Variants in CNTNAP4 observed in about 807,000 individuals in gnomAD.
CNTNAP4 encodes contactin associated protein family member 4, also known as contactin-associated protein-like 4.
A neutral mutation model predicts 148.4 loss-of-function variants in CNTNAP4; 98 were observed. The observed-to-expected ratio is 0.66, with a 90% confidence interval of 0.56 to 0.78. The LOEUF is 0.78. CNTNAP4 is among the 30% of genes least tolerant of loss of function. The pLI is 0.00. For missense variants in CNTNAP4, 1,935 were observed against 1,565.6 expected (o/e 1.24, Z -3.98); for synonymous variants, 730 against 565.1 (o/e 1.29, Z -4.14).
intron 21 of CNTNAP4, among the ~76,000 whole-genome samples, chr16:76,550,520 G>T (rs563302766): frequency 4.6e-5 from 7 of 152,176 alleles, no homozygotes; most frequent in Non-Finnish European, 7.4e-5. Flanking sequence ...CTGGTGGGGT[G>T]GGGCTGAAAA....
At chr16:76,381,822 A>T (rs905427884) in intron 3 of CNTNAP4, among the ~76,000 whole-genome samples, 1 of 152,126 alleles carries the variant, frequency 6.6e-6, no homozygotes, top group Non-Finnish European at 1.5e-5. Flanking sequence ...GGACTTTGGG[A>T]GGCCAAGGTG....
At position 76,479,403 on chromosome 16, in the gene CNTNAP4, A is replaced by AT. The variant is rs768640129; in HGVS notation, c.1763-8dup. 43 of 1,563,276 alleles carry AT rather than the reference A, an allele frequency of 2.8e-5. No individual in the cohort carries two copies. The highest frequency in any genetic ancestry group is 1.3e-4 in the Admixed American group (7 of 51,862). On this transcript the variant is annotated splice_polypyrimidine_tract_variant and intron_variant, in intron 11 of 23. Coordinates refer to ENST00000611870, the MANE Select transcript of CNTNAP4 (RefSeq NM_033401.5). ...ATTTCATGCTATTCCATTAATGATG[A>AT]TTTTTTTTCTTAAAGCTATCTATGA...
chr16:76,321,829 A>G (rs1290412317), intron 2 of CNTNAP4, among the ~76,000 whole-genome samples: 1 of 151,614 alleles, frequency 6.6e-6, no homozygotes, highest in African/African-American at 2.4e-5. Context: ...TTAAATTTTT[A>G]AAATGATAGT....
At chr16:76,544,906 G>C (rs1026508901) in intron 21 of CNTNAP4, among the ~76,000 whole-genome samples, 1 of 152,144 alleles carries the variant, frequency 6.6e-6, no homozygotes, top group Non-Finnish European at 1.5e-5. Flanking sequence ...GCAAGGAAAA[G>C]GAAGTCTACT....
chr16:76,429,665 T>C (rs933201846), intron 4 of CNTNAP4, among the ~76,000 whole-genome samples: 2 of 152,188 alleles, frequency 1.3e-5, no homozygotes, highest in African/African-American at 2.4e-5. Flanking sequence ...ATGGTGGTGA[T>C]AGCTAAGGTA....
At chr16:76,329,191 C>G (rs1174391966) in intron 2 of CNTNAP4, among the ~76,000 whole-genome samples, 2 of 152,058 alleles carry the variant, frequency 1.3e-5, no homozygotes, top group African/African-American at 2.4e-5. Flanking sequence ...AAATGCAATG[C>G]AAAAATTAAT....
chr16:76,328,663 GA>G (rs1367788465), intron 2 of CNTNAP4, among the ~76,000 whole-genome samples: 2 of 148,036 alleles, frequency 1.4e-5, no homozygotes, highest in East Asian at 4.0e-4. Flanking sequence ...TTTTTTTTTT[GA>G]GATGGAGGTT....
At chr16:76,424,229 C>T (rs1442589770) in intron 3 of CNTNAP4, among the ~76,000 whole-genome samples, 1 of 152,120 alleles carries the variant, frequency 6.6e-6, no homozygotes, top group Non-Finnish European at 1.5e-5. Context: ...ATCTTTTCTC[C>T]CAGTCCCTTA....
chr16:76,289,682 C>A (rs961212302), intron 1 of CNTNAP4, among the ~76,000 whole-genome samples: 1 of 152,064 alleles, frequency 6.6e-6, no homozygotes, highest in African/African-American at 2.4e-5. Context: ...AAGCAATTCT[C>A]CTTGCCTTAG....
intron 3 of CNTNAP4, among the ~76,000 whole-genome samples, chr16:76,394,977 T>G (rs538441924): frequency 6.6e-6 from 1 of 152,280 alleles, no homozygotes; most frequent in Admixed American, 6.5e-5. Context: ...TTTCTCCTGA[T>G]GGAGAATTAA....
intron 14 of CNTNAP4, among the ~76,000 whole-genome samples, chr16:76,498,355 G>A (rs1478694955): frequency 1.3e-5 from 2 of 150,924 alleles, no homozygotes; most frequent in Admixed American, 6.8e-5. Context: ...CTGTGCTACT[G>A]CACTCCAGCC....
intron 3 of CNTNAP4, among the ~76,000 whole-genome samples, chr16:76,398,594 T>G (rs1407300798): frequency 8.6e-5 from 13 of 152,018 alleles, no homozygotes. Flanking sequence ...CACTAGGTAG[T>G]AGGGTATACA....
intron 3 of CNTNAP4, among the ~76,000 whole-genome samples, chr16:76,421,618 G>C (rs2079193430): frequency 6.6e-6 from 1 of 152,070 alleles, no homozygotes; most frequent in African/African-American, 2.4e-5. Context: ...ATTTATACCT[G>C]ACATCATAAA....
intron 14 of CNTNAP4, among the ~76,000 whole-genome samples, chr16:76,497,404 A>G (rs1234852756): frequency 6.6e-6 from 1 of 152,198 alleles, no homozygotes; most frequent in Non-Finnish European, 1.5e-5. Context: ...TACAATAAAT[A>G]TAGCTAAAAT....
chr16:76,340,480 G>A (rs2144342422), intron 2 of CNTNAP4, among the ~76,000 whole-genome samples: 1 of 152,190 alleles, frequency 6.6e-6, no homozygotes, highest in South Asian at 2.1e-4. Context: ...CACCCAGAAT[G>A]TTTTCAAACG....
chr16:76,391,228 C>T (rs931339508), intron 3 of CNTNAP4, among the ~76,000 whole-genome samples: 1 of 152,146 alleles, frequency 6.6e-6, no homozygotes, highest in Admixed American at 6.5e-5. Context: ...AAAGATTTCT[C>T]CCGCTCCTTT....
In CNTNAP4 at chr16:76,553,342, C is replaced by T. The variant is rs374741627; in HGVS notation, c.3502C>T (p.Leu1168Phe). ...LAGAQGFTGC[L>F]SAVQLSHVAP... is the part of the protein sequence containing the mutation. ...AGGTGCGCAGGGCTTCACAGGCTGC[C>T]TCTCTGCAGTGCAGCTCAGCCACGT... Residue 1168 changes from leucine (L) to phenylalanine (F), a missense_variant, in exon 22 of 24, where the codon CTC becomes TTC. Leu to Phe is a conservative substitution (Grantham distance 22, BLOSUM62 0). Coordinates refer to ENST00000611870, the MANE Select transcript of CNTNAP4 (RefSeq NM_033401.5). 1.9e-5 allele frequency: 30 copies of T among 1,613,124 alleles called. No individual in the cohort carries two copies. The highest frequency in any genetic ancestry group is 1.3e-4 in the South Asian group (12 of 90,858).
rs746980414 is a variant in CNTNAP4, at chr16:76,462,033, G to A, written c.1411G>A (p.Gly471Ser). The A allele has an allele frequency of 1.3e-5, 21 of 1,613,610 alleles. No homozygotes were observed. Among genetic ancestry groups the A allele is most frequent in the East Asian group, 4.5e-5 (2 of 44,876 alleles). The stretch of plus-strand genomic sequence containing the variant: ...GAATCACTTGAGTGTGGCGGTGGAC[G>A]GCCAGATGGCTTCTGCTGCTCCTCT... Reference protein sequence around the residue: ...KKNHLSVAVDGQMASAAPLLG... With the variant: ...KKNHLSVAVDSQMASAAPLLG... Residue 471 changes from glycine to serine, a missense_variant, in exon 9 of 24, where the codon GGC becomes AGC. Gly to Ser is a moderately conservative substitution (Grantham distance 56). Transcript: ENST00000611870.
At chr16:76,437,639 C>T (rs1377790714) in intron 4 of CNTNAP4, among the ~76,000 whole-genome samples, 1 of 152,054 alleles carries the variant, frequency 6.6e-6, no homozygotes, top group Non-Finnish European at 1.5e-5. Flanking sequence ...CATAAAGACC[C>T]AACTCCTTAT....
Sources: gnomAD v4.1 joint callset for allele counts (sites outside exome capture counted in the v4.1 genomes callset) on GRCh38, gnomAD v4.1.1 for gene constraint, MANE v1.5 for transcripts, NCBI Gene and HGNC (gene_info 2026-07-23, HGNC 2026-07-21) for gene names.